Variants in MAPK10 observed in about 807,000 individuals in gnomAD.
The protein encoded by MAPK10 is JNK3 alpha protein kinase.
A neutral mutation model predicts 59.3 loss-of-function variants in MAPK10; 25 were observed. That is an observed-to-expected ratio of 0.42 (90% CI 0.31 to 0.59). The LOEUF is 0.59. Among genes scored for constraint, MAPK10 ranks in the 20% least tolerant of loss-of-function variants. The pLI, the probability that MAPK10 is intolerant of heterozygous loss-of-function variation, is 0.15. For synonymous variants in MAPK10, 190 were observed against 200.5 expected (o/e 0.95, Z 0.44); for missense variants, 351 against 568.9 (o/e 0.62, Z 3.90).
intron 2 of MAPK10, among the ~76,000 whole-genome samples, chr4:86,335,865 G>A (rs193053121): frequency 6.6e-6 from 1 of 152,234 alleles, no homozygotes; most frequent in Non-Finnish European, 1.5e-5. Flanking sequence ...ACAGCATGGG[G>A]GAAACCGCCT....
At chr4:86,326,250 A>G (rs968401810) in intron 2 of MAPK10, 5 of 152,228 alleles carry the variant, frequency 3.3e-5, no homozygotes, top group African/African-American at 9.7e-5. Flanking sequence ...GGGGCAGAAG[A>G]TGAGGCTGGC....
In MAPK10 at chr4:86,458,433, G is replaced by A. The variant is rs1006821718; in HGVS notation, c.-262-103789C>T. Among the ~76,000 whole-genome samples the A allele has an allele frequency of 2.0e-5, 3 of 152,072 alleles. No individual in the cohort carries two copies. In the East Asian group the frequency reaches 5.8e-4, roughly 29 times the overall value. On this transcript the variant is annotated intron_variant, in intron 1 of 4. Coordinates refer to the MAPK10 transcript ENST00000502302. ...GCTGAGATCATGCCATTGCACTCCA[G>A]CCTGGGCAACAGAGCGAAACTCCAT...
At chr4:86,363,410 G>T (rs74858100), upstream of MAPK10, among the ~76,000 whole-genome samples, 2,288 of 152,224 alleles carry the variant, frequency 0.015, 67 homozygotes, top group African/African-American at 0.052. Flanking sequence ...ATATTACTCA[G>T]CAATTAAAAA....
At chr4:86,282,169 C>A (rs1465508932) in intron 2 of MAPK10, among the ~76,000 whole-genome samples, 1 of 152,118 alleles carries the variant, frequency 6.6e-6, no homozygotes, top group Non-Finnish European at 1.5e-5. Context: ...AGCTGTTGCT[C>A]AGGCTTATAT....
intron 2 of MAPK10, among the ~76,000 whole-genome samples, chr4:86,301,328 A>G (rs1267874686): frequency 6.6e-6 from 1 of 151,928 alleles, no homozygotes; most frequent in East Asian, 1.9e-4. Context: ...CTTCACAGTG[A>G]AAGTTCTGCA....
chr4:86,410,408 T>C (rs572687156), intron 1 of MAPK10, among the ~76,000 whole-genome samples: 1 of 152,378 alleles, frequency 6.6e-6, no homozygotes, highest in South Asian at 2.1e-4. Flanking sequence ...AGGATGATGC[T>C]GGCCTCATAA....
intron 1 of MAPK10, among the ~76,000 whole-genome samples, chr4:86,359,288 C>CTCTCTCTCTCTCTCTGTGTGTGTG (rs796310826): frequency 4.2e-5 from 4 of 94,602 alleles, no homozygotes; most frequent in African/African-American, 1.1e-4. Flanking sequence ...CTCTCTCTCT[C>CTCTCTCTCTCTCTCTGTGTGTGTG]TGTGTGTGTG....
intron 1 of MAPK10, among the ~76,000 whole-genome samples, chr4:86,355,362 C>A (rs1365133916): frequency 1.3e-5 from 2 of 151,954 alleles, no homozygotes; most frequent in African/African-American, 2.4e-5. Flanking sequence ...CTAGGACTAC[C>A]ACCCTCTCAC....
intron 1 of MAPK10, among the ~76,000 whole-genome samples, chr4:86,403,017 A>T (rs1349867502): frequency 1.3e-5 from 2 of 152,142 alleles, no homozygotes; most frequent in African/African-American, 4.8e-5. Context: ...CACACAAGAT[A>T]CAATTAAGGC....
chr4:86,467,807 G>A (rs1023940768), intron 1 of MAPK10, among the ~76,000 whole-genome samples: 8 of 151,882 alleles, frequency 5.3e-5, no homozygotes, highest in African/African-American at 1.9e-4. Flanking sequence ...CGTGAGCCAC[G>A]GCACCCAGCC....
At chr4:86,251,399 C>A (rs1201481042) in intron 2 of MAPK10, among the ~76,000 whole-genome samples, 2 of 150,638 alleles carry the variant, frequency 1.3e-5, no homozygotes, top group African/African-American at 4.9e-5. Flanking sequence ...TTGTTCAATC[C>A]CCACCTATGA....
chr4:86,064,374 G>A lies in MAPK10; in HGVS notation c.1002C>T (p.Asp334=), dbSNP rs1239155815. ...CAATCACTAGCATCTTTGACAACAA[G>A]TCCCTGGCTTGGCTGGCTGAAACAA... ...HNKLKASQAR[D]LLSKMLVIDP... is the part of the protein sequence containing the mutation. Residue 334 remains aspartate (D), a synonymous_variant, in exon 11 of 14, where the codon GAC becomes GAT. Transcript: ENST00000641462. 2 of 1,614,012 alleles carry A rather than the reference G, an allele frequency of 1.2e-6. No individual in the cohort carries two copies. The highest frequency in any genetic ancestry group is 3.3e-5 in the Admixed American group (2 of 59,998).
intron 1 of MAPK10, among the ~76,000 whole-genome samples, chr4:86,518,740 G>C (rs1039900659): frequency 1.3e-5 from 2 of 151,330 alleles, no homozygotes; most frequent in African/African-American, 4.9e-5. Flanking sequence ...ACTTTTTAAC[G>C]TAGGCATTTA....
chr4:86,464,604 G>A (rs565565301), intron 1 of MAPK10, among the ~76,000 whole-genome samples: 2 of 152,174 alleles, frequency 1.3e-5, no homozygotes, highest in Admixed American at 6.5e-5. Flanking sequence ...GGCAGATCAC[G>A]AGGTCAGGAG....
At chr4:86,543,976 GTAGAAATGTCA>G (rs1758938046) in intron 1 of MAPK10, among the ~76,000 whole-genome samples, 1 of 152,226 alleles carries the variant, frequency 6.6e-6, no homozygotes, top group Non-Finnish European at 1.5e-5. Flanking sequence ...GATCCCTTCA[GTAGAAATGTCA>G]TTTAAACTAA....
At chr4:86,225,412 C>A (rs190236068) in intron 2 of MAPK10, among the ~76,000 whole-genome samples, 2 of 152,252 alleles carry the variant, frequency 1.3e-5, no homozygotes, top group Non-Finnish European at 2.9e-5. Context: ...CAATCTGTTG[C>A]TGTAGGAAAT....
intron 2 of MAPK10, among the ~76,000 whole-genome samples, chr4:86,334,321 G>A (rs771069413): frequency 1.3e-5 from 2 of 152,104 alleles, no homozygotes; most frequent in Admixed American, 6.6e-5. Flanking sequence ...AACTGTGTCA[G>A]TCTAGTCTAG....
chr4:86,412,250 G>A (rs1745277148), intron 1 of MAPK10, among the ~76,000 whole-genome samples: 1 of 152,100 alleles, frequency 6.6e-6, no homozygotes, highest in African/African-American at 2.4e-5. Flanking sequence ...TGGCTTGTAG[G>A]GTTTCTGCTG....
intron 4 of MAPK10, among the ~76,000 whole-genome samples, chr4:86,131,588 GA>G (rs994434224): frequency 5.3e-5 from 8 of 151,878 alleles, no homozygotes; most frequent in Admixed American, 3.9e-4. Context: ...AAAATAAAAA[GA>G]AAAAAAGAGG....
Sources: gnomAD v4.1 joint callset for allele counts (sites outside exome capture counted in the v4.1 genomes callset) on GRCh38, gnomAD v4.1.1 for gene constraint, MANE v1.5 for transcripts, NCBI Gene and HGNC (gene_info 2026-07-23, HGNC 2026-07-21) for gene names.